Variants in DRC3 observed in about 807,000 individuals in gnomAD.
DRC3 encodes dynein regulatory complex subunit 3, also known as leucine rich repeat containing 48.
Under a neutral mutation model 57.6 loss-of-function variants are expected in DRC3, and 45 were observed. The ratio of observed to expected loss-of-function variants is 0.78; its 90% confidence interval spans 0.62 to 1.00. The LOEUF (loss-of-function observed/expected upper bound fraction) is 1.00, where lower values mean the gene tolerates loss of function less well. Ranked by LOEUF, DRC3 falls within the 50% of genes least tolerant of loss-of-function variation. The pLI is 0.00. For missense variants in DRC3, 655 were observed against 675.2 expected (o/e 0.97, Z 0.33); for synonymous variants, 257 against 272.3 (o/e 0.94, Z 0.55).
chr17:17,979,567 T>C (rs1439148935), intron 3 of DRC3, among the ~76,000 whole-genome samples: 1 of 152,012 alleles, frequency 6.6e-6, no homozygotes, highest in Non-Finnish European at 1.5e-5. Flanking sequence ...GTAACTCATT[T>C]AGAGCTAACT....
At chr17:18,015,470 C>G (rs1489931339) in intron 12 of DRC3, 1 of 152,608 alleles carries the variant, frequency 6.6e-6, no homozygotes, top group Non-Finnish European at 1.5e-5. Flanking sequence ...ACCAGTGAGG[C>G]CTATTAGAAG....
chr17:17,993,080 C>A, intron 6 of DRC3, 169 bp downstream of exon 6: 3 of 693,014 alleles, frequency 4.3e-6, no homozygotes, highest in South Asian at 3.8e-5. Flanking sequence ...GTGATTCCAG[C>A]AGCACCCTTG....
intron 5 of DRC3, among the ~76,000 whole-genome samples, chr17:17,992,168 G>A (rs899390978): frequency 5.9e-5 from 9 of 152,114 alleles, no homozygotes; most frequent in African/African-American, 1.9e-4. Flanking sequence ...CCAGCTACTC[G>A]GGAGGCTGAG....
chr17:17,973,588 A>G (rs1168181091), intron 1 of DRC3: 2 of 151,052 alleles, frequency 1.3e-5, no homozygotes, highest in Admixed American at 1.3e-4. Flanking sequence ...TAAGTGATTG[A>G]TTTTATTCTT....
intron 5 of DRC3, among the ~76,000 whole-genome samples, chr17:17,992,539 A>AC (rs929000420): frequency 1.3e-5 from 2 of 151,780 alleles, no homozygotes; most frequent in East Asian, 3.9e-4. Flanking sequence ...GCAGACCTGA[A>AC]CCATGGTCTG....
intron 9 of DRC3, among the ~76,000 whole-genome samples, chr17:17,998,126 C>G (rs1203958400): frequency 6.6e-6 from 1 of 152,214 alleles, no homozygotes; most frequent in Non-Finnish European, 1.5e-5. Context: ...CACCCCTCAC[C>G]TGAGCAAGCA....
rs1214064066 is a variant in DRC3, at chr17:18,016,177, T to C, written c.1440T>C (p.Cys480=). 6.2e-7 allele frequency: 1 copy of C among 1,614,000 alleles called. No homozygotes were observed. The change falls in exon 13 of 14, where the codon TGT becomes TGC. Residue 480 remains cysteine, a synonymous_variant. Coordinates refer to ENST00000399187, the MANE Select transcript of DRC3 (RefSeq NM_031294.4). ...DELVTRINSW[C]TRLIDRIHKD... is the part of the protein sequence containing the mutation. ...TGGTGACCAGAATCAACTCTTGGTG[T>C]ACACGTTTAATAGACAGGGTGAGTC...
At chr17:17,992,218 T>C (rs2043265313) in intron 5 of DRC3, among the ~76,000 whole-genome samples, 1 of 152,056 alleles carries the variant, frequency 6.6e-6, no homozygotes, top group African/African-American at 2.4e-5. Flanking sequence ...GAGGTTGCAG[T>C]GAGCCAAGAT....
At chr17:18,011,373 T>G (rs1357047116) in intron 12 of DRC3, 1 of 320,982 alleles carries the variant, frequency 3.1e-6, no homozygotes, top group Admixed American at 4.5e-5. Context: ...CTCTGGGTGT[T>G]AAGTGCTCCA....
At chr17:18,003,980 T>C (rs1156442606) in intron 9 of DRC3, among the ~76,000 whole-genome samples, 1 of 152,002 alleles carries the variant, frequency 6.6e-6, no homozygotes, top group Non-Finnish European at 1.5e-5. Context: ...AAATAATCAC[T>C]ATGCCAAAGC....
chr17:18,002,924 C>T (rs1038983512), intron 9 of DRC3, among the ~76,000 whole-genome samples: 3 of 152,086 alleles, frequency 2.0e-5, no homozygotes, highest in East Asian at 1.9e-4. Flanking sequence ...ATAAGACAAA[C>T]GAGAAAAGCA....
intron 13 of DRC3, 97 bp from the exon 14 acceptor site, chr17:18,016,461 T>C (rs952788551): frequency 7.5e-6 from 7 of 933,344 alleles, no homozygotes; most frequent in Non-Finnish European, 1.2e-5. Flanking sequence ...TTTGCAGATC[T>C]AAAGGAACTA....
At chr17:17,973,798 C>A (rs931850108) in intron 1 of DRC3, 54 bp from the exon 2 acceptor site, 1 of 152,146 alleles carries the variant, frequency 6.6e-6, no homozygotes, top group African/African-American at 2.4e-5. Flanking sequence ...TAATTCATGG[C>A]CAATAGGGAC....
rs192330832 is a variant in DRC3, at chr17:17,994,335, G to A, written c.628G>A (p.Asp210Asn). The A allele has an allele frequency of 2.4e-5, 38 of 1,554,298 alleles. No homozygotes were observed. The highest frequency in any genetic ancestry group is 2.0e-4 in the East Asian group (8 of 40,988). The stretch of plus-strand genomic sequence containing the variant: ...GGAGGCTAAGCACCAGTACAGCATC[G>A]ACGAGCTGAAGCACCAGGAGAACCT... ...LAEAKHQYSI[D>N]ELKHQENLMQ... The change falls in exon 7 of 14, where the codon GAC (aspartate) becomes AAC (asparagine). Residue 210 changes from aspartate (D) to asparagine (N), a missense_variant. Transcript: ENST00000399187.
At chr17:17,993,676 A>G (rs1280958400) in intron 6 of DRC3, 1 of 153,294 alleles carries the variant, frequency 6.5e-6, no homozygotes, top group African/African-American at 2.4e-5. Context: ...GGCTGGAGGT[A>G]GAGACCTGAG....
chr17:17,987,895 C>A, intron 4 of DRC3, 37 bp from the exon 5 acceptor site: 1 of 1,606,150 alleles, frequency 6.2e-7, no homozygotes, highest in South Asian at 1.1e-5. Flanking sequence ...TCCCCTGACC[C>A]AGGCAGCAGA....
At chr17:17,994,064 C>T (rs1326443648) in intron 6 of DRC3, 1 of 471,876 alleles carries the variant, frequency 2.1e-6, no homozygotes, top group Non-Finnish European at 3.8e-6. Context: ...ACGCTGCCTT[C>T]CGCTCCTCCT....
chr17:18,009,820 G>C (rs1383715083), intron 12 of DRC3, among the ~76,000 whole-genome samples: 1 of 152,204 alleles, frequency 6.6e-6, no homozygotes, highest in African/African-American at 2.4e-5. Context: ...ATGCAGTTGA[G>C]TGACTGTTAT....
In DRC3 at chr17:17,977,564, G is replaced by A; in HGVS notation, c.-17-18G>A. 6.2e-7 allele frequency: 1 copy of A among 1,613,770 alleles called. No homozygotes were observed. Among genetic ancestry groups the A allele is most frequent in the Non-Finnish European group, 8.5e-7 (1 of 1,179,772 alleles). ...GAGAAAGAAGCAGGCCGTGAAGGAA[G>A]AATGCGGTGTTTTTTAGGGAAAACG... On this transcript the variant is annotated intron_variant, in intron 2 of 13. Coordinates refer to ENST00000399187, the MANE Select transcript of DRC3 (RefSeq NM_031294.4).
Sources: allele counts gnomAD v4.1 joint callset (sites outside exome capture counted in the v4.1 genomes callset), GRCh38; gene constraint gnomAD v4.1.1; transcripts MANE v1.5; gene names NCBI Gene and HGNC (gene_info 2026-07-23, HGNC 2026-07-21).